The following CNTNAP5 variants were observed in gnomAD, a reference collection of about 807,000 sequenced individuals.
CNTNAP5 encodes contactin associated protein family member 5.
A neutral mutation model predicts 150.2 loss-of-function variants in CNTNAP5; 72 were observed. That is an observed-to-expected ratio of 0.48 (90% confidence interval 0.40 to 0.58). CNTNAP5 has a LOEUF of 0.58. CNTNAP5 is among the 20% of genes least tolerant of loss of function. The probability of loss-of-function intolerance (pLI) is 0.00; values close to 1 mark genes in which losing one functional copy is unlikely to be tolerated. For missense variants in CNTNAP5, 1,636 were observed against 1,626.2 expected (o/e 1.01, Z -0.10); for synonymous variants, 672 against 619.8 (o/e 1.08, Z -1.25).
chr2:124,796,890 G>A (rs1681857121), intron 18 of CNTNAP5, among the ~76,000 whole-genome samples: 1 of 152,182 alleles, frequency 6.6e-6, no homozygotes, highest in Non-Finnish European at 1.5e-5. Flanking sequence ...CACACACTCT[G>A]TTACTGTATA....
chr2:124,558,569 G>T (rs1695812630), intron 10 of CNTNAP5, among the ~76,000 whole-genome samples: 1 of 152,158 alleles, frequency 6.6e-6, no homozygotes, highest in Non-Finnish European at 1.5e-5. Flanking sequence ...CTTTGACTTT[G>T]CTCAGTAATC....
chr2:124,340,358 A>G (rs890862017), intron 3 of CNTNAP5, among the ~76,000 whole-genome samples: 45 of 152,322 alleles, frequency 3.0e-4, no homozygotes, highest in African/African-American at 1.0e-3. Context: ...GACTCAAAAG[A>G]AAGTGTCAGA....
At chr2:124,129,725 G>A (rs1683802515) in intron 1 of CNTNAP5, among the ~76,000 whole-genome samples, 1 of 152,168 alleles carries the variant, frequency 6.6e-6, no homozygotes, top group East Asian at 1.9e-4. Flanking sequence ...ATAAAATTGT[G>A]AGGAAAGGCT....
At chr2:124,628,005 C>G (rs1166014235) in intron 12 of CNTNAP5, among the ~76,000 whole-genome samples, 1 of 152,012 alleles carries the variant, frequency 6.6e-6, no homozygotes, top group Non-Finnish European at 1.5e-5. Context: ...GGCAGGCCAA[C>G]AAGATTAGAG....
At chr2:124,842,857 C>A in intron 19 of CNTNAP5, among the ~76,000 whole-genome samples, 1 of 151,890 alleles carries the variant, frequency 6.6e-6, no homozygotes, top group East Asian at 1.9e-4. Context: ...GCAGTTACTG[C>A]CTCATGAGAA....
At chr2:124,369,164 C>A (rs752802479) in intron 3 of CNTNAP5, among the ~76,000 whole-genome samples, 2 of 152,074 alleles carry the variant, frequency 1.3e-5, no homozygotes, top group Non-Finnish European at 2.9e-5. Context: ...GGCAAGGGAA[C>A]AAGAGAGCTA....
rs150831123 is a variant in CNTNAP5 at position 124,056,839 on chromosome 2, C to T, written c.82+31107C>T. ...GCCAGTCCACTTTTCTTGGAATTCACTTTTGCTTTTGCCTTCAGTGATTCA... is the reference window on the plus strand; with the variant it reads ...GCCAGTCCACTTTTCTTGGAATTCATTTTTGCTTTTGCCTTCAGTGATTCA... On this transcript the variant is annotated intron_variant, in intron 1 of 23. Coordinates refer to ENST00000682447, the MANE Select transcript of CNTNAP5 (RefSeq NM_001367498.1). Among the ~76,000 whole-genome samples, 112 of 152,272 alleles carry T rather than the reference C, an allele frequency of 7.4e-4. 3 individuals are homozygous for T. In the East Asian group the frequency reaches 0.019, roughly 26 times the overall value.
intron 2 of CNTNAP5, among the ~76,000 whole-genome samples, chr2:124,225,088 C>T (rs1686422032): frequency 6.6e-6 from 1 of 152,176 alleles, no homozygotes; most frequent in South Asian, 2.1e-4. Flanking sequence ...AAAGGAGCAT[C>T]TCTCCGGATG....
chr2:124,193,809 T>C (rs778338991), intron 1 of CNTNAP5, among the ~76,000 whole-genome samples: 14 of 152,060 alleles, frequency 9.2e-5, no homozygotes, highest in Non-Finnish European at 7.4e-5. Flanking sequence ...TTTGACTCTT[T>C]AGCAGATGGT....
chr2:124,761,045 G>A (rs1206594873), intron 14 of CNTNAP5, among the ~76,000 whole-genome samples: 1 of 152,100 alleles, frequency 6.6e-6, no homozygotes, highest in Non-Finnish European at 1.5e-5. Flanking sequence ...TCTCTCAACT[G>A]TACTTAGGAA....
chr2:124,508,572 A>G (rs1476503620), intron 8 of CNTNAP5, among the ~76,000 whole-genome samples: 1 of 152,198 alleles, frequency 6.6e-6, no homozygotes, highest in South Asian at 2.1e-4. Context: ...AAATGCATTT[A>G]TGACTGAAAG....
rs149833259 is a variant in CNTNAP5 at position 124,196,421 on chromosome 2, G to T, written c.83-25284G>T. On this transcript the variant is annotated intron_variant, in intron 1 of 23. Coordinates refer to ENST00000682447, the MANE Select transcript of CNTNAP5 (RefSeq NM_001367498.1). ...GTTAAATGCCCAATTTCAAAAATAA[G>T]ACGTGTACACAGCGATTACATGAGA... Among the ~76,000 whole-genome samples, 21 of 152,264 alleles carry T rather than the reference G, an allele frequency of 1.4e-4. No individual in the cohort carries two copies. In the East Asian group the frequency reaches 3.7e-3, roughly 27 times the overall value.
At chr2:124,531,690 A>G (rs1358964772) in intron 10 of CNTNAP5, among the ~76,000 whole-genome samples, 1 of 152,200 alleles carries the variant, frequency 6.6e-6, no homozygotes, top group Non-Finnish European at 1.5e-5. Flanking sequence ...GTTATGATCA[A>G]GAGTCAAGCA....
At chr2:124,304,792 G>T (rs946053757) in intron 3 of CNTNAP5, among the ~76,000 whole-genome samples, 1 of 152,118 alleles carries the variant, frequency 6.6e-6, no homozygotes, top group African/African-American at 2.4e-5. Context: ...GGACCTAGGT[G>T]TTTCTTTGAA....
At chr2:124,738,836 G>C (rs933626836) in intron 13 of CNTNAP5, among the ~76,000 whole-genome samples, 1 of 152,156 alleles carries the variant, frequency 6.6e-6, no homozygotes, top group African/African-American at 2.4e-5. Context: ...CAGATGTCTG[G>C]AGCCTGTAGC....
At chr2:124,406,543 T>A (rs964393309) in intron 3 of CNTNAP5, among the ~76,000 whole-genome samples, 1 of 152,196 alleles carries the variant, frequency 6.6e-6, no homozygotes, top group Non-Finnish European at 1.5e-5. Context: ...TATTTAACCA[T>A]GCAGTTTTCA....
At chr2:124,099,803 G>A (rs940944693) in intron 1 of CNTNAP5, among the ~76,000 whole-genome samples, 3 of 151,942 alleles carry the variant, frequency 2.0e-5, no homozygotes, top group Non-Finnish European at 4.4e-5. Context: ...CGGGGGGCAG[G>A]GGGTGCCACA....
chr2:124,713,135 T>TCTTC (rs201264641), intron 13 of CNTNAP5, among the ~76,000 whole-genome samples: 29 of 151,704 alleles, frequency 1.9e-4, no homozygotes, highest in Non-Finnish European at 3.1e-4. Context: ...TGTCTTCCTT[T>TCTTC]CTTCCTTCCT....
At chr2:124,341,471 T>C (rs975699502) in intron 3 of CNTNAP5, among the ~76,000 whole-genome samples, 2 of 152,126 alleles carry the variant, frequency 1.3e-5, no homozygotes, top group African/African-American at 4.8e-5. Context: ...TTGGTGGCTA[T>C]GGAGAGAAAA....
Sources: allele counts gnomAD v4.1 joint callset (sites outside exome capture counted in the v4.1 genomes callset), GRCh38; gene constraint gnomAD v4.1.1; transcripts MANE v1.5; gene names NCBI Gene and HGNC (gene_info 2026-07-23, HGNC 2026-07-21).